Variants in PTPRG observed in about 807,000 individuals in gnomAD.
PTPRG encodes the protein protein tyrosine phosphatase receptor type G, also known as receptor-type tyrosine-protein phosphatase gamma.
A neutral mutation model predicts 165.3 loss-of-function variants in PTPRG; 102 were observed. The observed-to-expected ratio is 0.62, with a 90% confidence interval of 0.53 to 0.73. The LOEUF is 0.73. PTPRG is among the 30% of genes least tolerant of loss of function. The pLI is 0.00. For synonymous variants in PTPRG, 675 were observed against 669.5 expected (o/e 1.01, Z -0.13); for missense variants, 1,866 against 1,861.4 (o/e 1.00, Z -0.05).
At chr3:62,182,874 C>G (rs1705715485) in intron 8 of PTPRG, among the ~76,000 whole-genome samples, 1 of 152,162 alleles carries the variant, frequency 6.6e-6, no homozygotes, top group Admixed American at 6.5e-5. Context: ...CCAGGATGGT[C>G]TCGATCTCTT....
intron 1 of PTPRG, among the ~76,000 whole-genome samples, chr3:61,689,921 A>G (rs945892633): frequency 7.9e-5 from 12 of 152,140 alleles, no homozygotes; most frequent in African/African-American, 2.7e-4. Flanking sequence ...TGTTCTGAAG[A>G]TTTTCTAGCT....
intron 1 of PTPRG, among the ~76,000 whole-genome samples, chr3:61,676,968 C>T (rs908381119): frequency 7.2e-5 from 11 of 152,136 alleles, no homozygotes; most frequent in African/African-American, 2.4e-4. Flanking sequence ...TCTTCTTAGC[C>T]AAGCATGGTG....
chr3:61,708,724 T>C (rs1407675817), intron 1 of PTPRG, among the ~76,000 whole-genome samples: 1 of 152,184 alleles, frequency 6.6e-6, no homozygotes, highest in Non-Finnish European at 1.5e-5. Flanking sequence ...CCCAAGGTGC[T>C]GGAATTACAG....
chr3:62,171,353 A>G (rs1410257269), intron 8 of PTPRG, among the ~76,000 whole-genome samples: 2 of 152,206 alleles, frequency 1.3e-5, no homozygotes, highest in Admixed American at 6.5e-5. Context: ...AAGTGACTGT[A>G]TGTGCCACTT....
intron 3 of PTPRG, among the ~76,000 whole-genome samples, chr3:61,995,479 G>A (rs974137318): frequency 6.6e-6 from 1 of 152,104 alleles, no homozygotes; most frequent in Non-Finnish European, 1.5e-5. Context: ...TGCAAGATGT[G>A]ATCCAACAGT....
At chr3:62,165,612 A>G (rs570048967) in intron 7 of PTPRG, among the ~76,000 whole-genome samples, 1 of 152,346 alleles carries the variant, frequency 6.6e-6, no homozygotes, top group South Asian at 2.1e-4. Context: ...AACTCAGAGA[A>G]TTGAAGTAAC....
At chr3:62,264,637 T>C (rs1248666394) in intron 17 of PTPRG, among the ~76,000 whole-genome samples, 1 of 152,244 alleles carries the variant, frequency 6.6e-6, no homozygotes, top group Non-Finnish European at 1.5e-5. Context: ...CATTCCTTTT[T>C]ATGGCTGAAT....
chr3:61,751,770 C>T (rs887734363), intron 2 of PTPRG, among the ~76,000 whole-genome samples: 41 of 152,078 alleles, frequency 2.7e-4, no homozygotes, highest in African/African-American at 9.7e-4. Flanking sequence ...GTGGGCGGAT[C>T]GCGAGGTCAG....
At chr3:62,062,383 G>A (rs1055808470) in intron 4 of PTPRG, among the ~76,000 whole-genome samples, 8 of 152,232 alleles carry the variant, frequency 5.3e-5, no homozygotes, top group Non-Finnish European at 7.4e-5. Context: ...GTTAAGGGAG[G>A]TATCTAGGTG....
At chr3:61,896,167 C>T (rs1246256062) in intron 2 of PTPRG, among the ~76,000 whole-genome samples, 1 of 152,114 alleles carries the variant, frequency 6.6e-6, no homozygotes, top group East Asian at 1.9e-4. Flanking sequence ...AGTTCCAATA[C>T]CATAAGGATC....
At chr3:61,621,033 G>GTATATATATATATATATATA (rs368012442) in intron 1 of PTPRG, among the ~76,000 whole-genome samples, 11 of 130,050 alleles carry the variant, frequency 8.5e-5, no homozygotes, top group South Asian at 5.3e-4. Flanking sequence ...GTGTGTGTGT[G>GTATATATATATATATATATA]TATATATATA....
At chr3:61,697,592 A>C (rs1191644743) in intron 1 of PTPRG, among the ~76,000 whole-genome samples, 1 of 152,234 alleles carries the variant, frequency 6.6e-6, no homozygotes, top group Non-Finnish European at 1.5e-5. Flanking sequence ...CTTTATCTGC[A>C]TAATAAGATA....
intron 1 of PTPRG, among the ~76,000 whole-genome samples, chr3:61,651,293 G>A (rs952729603): frequency 2.6e-5 from 4 of 151,830 alleles, no homozygotes; most frequent in African/African-American, 9.7e-5. Context: ...CTGAGCAGAG[G>A]TAATCTTATC....
intron 2 of PTPRG, among the ~76,000 whole-genome samples, chr3:61,866,321 T>G (rs2037406503): frequency 6.6e-6 from 1 of 152,158 alleles, no homozygotes; most frequent in African/African-American, 2.4e-5. Flanking sequence ...TGCTTCTGTT[T>G]GCACGTGACC....
chr3:62,201,104 G>A (rs1450411148), intron 10 of PTPRG, among the ~76,000 whole-genome samples: 6 of 152,156 alleles, frequency 3.9e-5, no homozygotes, highest in Admixed American at 3.9e-4. Context: ...GCAACGTGCT[G>A]GCGATATGTC....
chr3:61,607,309 C>T (rs1159008083), intron 1 of PTPRG, among the ~76,000 whole-genome samples: 3 of 152,168 alleles, frequency 2.0e-5, no homozygotes, highest in Non-Finnish European at 4.4e-5. Context: ...TCCTCTGTCT[C>T]CTTGACATGA....
intron 28 of PTPRG, among the ~76,000 whole-genome samples, chr3:62,292,058 T>C (rs111931065): frequency 3.9e-4 from 60 of 152,314 alleles, no homozygotes; most frequent in African/African-American, 1.4e-3. Context: ...ACTGGCTGCT[T>C]GTCCAATAAC....
chr3:62,201,619 T>C, intron 11 of PTPRG, 65 bp downstream of exon 11: 1 of 1,513,110 alleles, frequency 6.6e-7, no homozygotes, highest in Non-Finnish European at 9.1e-7. Flanking sequence ...GTTAAAACTG[T>C]CACCACGAAG....
Position 62,140,007 on chromosome 3 carries a change from T to G in PTPRG, c.682+7339T>G, listed in dbSNP as rs181396703. Among the ~76,000 whole-genome samples the G allele has an allele frequency of 9.5e-4, 145 of 152,322 alleles. 1 individual carries two copies. The highest frequency in any genetic ancestry group is 1.7e-3 in the Non-Finnish European group (118 of 68,028). ...TATTCCACCTGCTGGGACTGAAGTT[T>G]CTACAATAAAGAGTAACGGAGTGTC... On this transcript the variant is annotated intron_variant, in intron 6 of 29. Coordinates refer to ENST00000474889, the MANE Select transcript of PTPRG (RefSeq NM_002841.4).
Sources: allele counts gnomAD v4.1 joint callset (sites outside exome capture counted in the v4.1 genomes callset), GRCh38; gene constraint gnomAD v4.1.1; transcripts MANE v1.5; gene names NCBI Gene and HGNC (gene_info 2026-07-23, HGNC 2026-07-21).